Variants in ATP2C1 observed in about 807,000 individuals in gnomAD.
ATP2C1 encodes the protein calcium-transporting ATPase type 2C member 1.
A neutral mutation model predicts 120.5 loss-of-function variants in ATP2C1; 31 were observed. The ratio of observed to expected loss-of-function variants is 0.26; its 90% CI spans 0.19 to 0.35. ATP2C1 has a LOEUF of 0.35. ATP2C1 is among the 10% of genes least tolerant of loss of function. The pLI is 1.00. For synonymous variants in ATP2C1, 351 were observed against 358.7 expected (o/e 0.98, Z 0.24); for missense variants, 731 against 1,107.5 (o/e 0.66, Z 4.83).
At chr3:130,956,583 T>A (rs1394068013) in intron 11 of ATP2C1, among the ~76,000 whole-genome samples, 1 of 151,970 alleles carries the variant, frequency 6.6e-6, no homozygotes, top group Non-Finnish European at 1.5e-5. Context: ...CTTCTAGACA[T>A]TTAGGATTTT....
In ATP2C1 at chr3:130,964,884, T is replaced by G. The variant is rs530774912; in HGVS notation, c.1025-64T>G. ...GACAGGATTCTAGTCTTTGATTTGTTTTTTAAGTGAACCTATATTTCTCCT... is the reference window on the plus strand; with the variant it reads ...GACAGGATTCTAGTCTTTGATTTGTGTTTTAAGTGAACCTATATTTCTCCT... On this transcript the variant is annotated intron_variant, in intron 13 of 27. Transcript: ENST00000510168. 9.0e-5 allele frequency: 111 copies of G among 1,228,940 alleles called. No homozygotes were observed. The East Asian group carries it at 2.4e-3, about 26-fold the overall frequency. 76.1% of individuals were successfully genotyped at this position (1,228,940 alleles called of 1,614,324 possible). A position where few individuals can be genotyped will look rare whatever the true frequency, so the allele number is the denominator to read the frequency against.
chr3:131,008,866 A>G (rs923876520), intron 26 of ATP2C1, among the ~76,000 whole-genome samples: 8 of 152,190 alleles, frequency 5.3e-5, no homozygotes, highest in Non-Finnish European at 8.8e-5. Context: ...CATGTAGAGA[A>G]AGTCAGAGTG....
At chr3:130,870,380 C>G (rs2068393181) in intron 1 of ATP2C1, among the ~76,000 whole-genome samples, 1 of 152,174 alleles carries the variant, frequency 6.6e-6, no homozygotes, top group Non-Finnish European at 1.5e-5. Flanking sequence ...GATAGTGATT[C>G]CTCTGATGGA....
chr3:130,997,786 T>C, intron 25 of ATP2C1, 33 bp downstream of exon 25: 1 of 1,609,464 alleles, frequency 6.2e-7, no homozygotes, highest in Non-Finnish European at 8.5e-7. Context: ...TATATTAACA[T>C]GAATTCTGTA....
At chr3:130,876,225 C>T (rs2068598977) in intron 1 of ATP2C1, among the ~76,000 whole-genome samples, 2 of 151,898 alleles carry the variant, frequency 1.3e-5, no homozygotes, top group Admixed American at 6.6e-5. Flanking sequence ...GAAGCATTTT[C>T]CCTGTTTTCT....
upstream of ATP2C1, among the ~76,000 whole-genome samples, chr3:130,891,073 TTAAG>T (rs1440219985): frequency 2.6e-5 from 4 of 152,198 alleles, no homozygotes; most frequent in African/African-American, 9.7e-5. Context: ...ACTCTGTCTC[TTAAG>T]TTAGTAAGTA....
At chr3:131,013,220 C>A (rs1020087333) in intron 26 of ATP2C1, among the ~76,000 whole-genome samples, 2 of 152,174 alleles carry the variant, frequency 1.3e-5, no homozygotes, top group African/African-American at 4.8e-5. Context: ...TTTTCCAGAG[C>A]AGTACCTTTT....
intron 20 of ATP2C1, among the ~76,000 whole-genome samples, chr3:130,982,892 T>C (rs995277101): frequency 1.3e-5 from 2 of 152,122 alleles, no homozygotes; most frequent in African/African-American, 2.4e-5. Context: ...ATCCACAGAG[T>C]ATCCATAATA....
downstream of ATP2C1, among the ~76,000 whole-genome samples, chr3:131,006,689 CTTTT>C (rs1167746798): frequency 7.3e-6 from 1 of 137,562 alleles, no homozygotes; most frequent in Non-Finnish European, 1.6e-5. Context: ...TTCTTGTACA[CTTTT>C]TTTTTTTTTG....
chr3:130,922,146 TG>T (rs2058999030), intron 2 of ATP2C1, among the ~76,000 whole-genome samples: 1 of 152,340 alleles, frequency 6.6e-6, no homozygotes, highest in South Asian at 2.1e-4. Context: ...CACTTGTTAT[TG>T]GTCTGTTCAG....
At chr3:130,959,751 A>G (rs528502478) in intron 12 of ATP2C1, among the ~76,000 whole-genome samples, 35 of 152,204 alleles carry the variant, frequency 2.3e-4, no homozygotes, top group African/African-American at 7.7e-4. Context: ...TTGTGAAGAA[A>G]CTGCATCCAT....
At chr3:130,917,932 G>T (rs1350947798) in intron 2 of ATP2C1, among the ~76,000 whole-genome samples, 1 of 150,708 alleles carries the variant, frequency 6.6e-6, no homozygotes, top group Non-Finnish European at 1.5e-5. Flanking sequence ...ACTTAGCATG[G>T]TGTCCTCAAG....
At chr3:130,972,472 C>CTTTT (rs76538100) in intron 17 of ATP2C1, among the ~76,000 whole-genome samples, 2 of 142,878 alleles carry the variant, frequency 1.4e-5, no homozygotes, top group East Asian at 2.0e-4. Flanking sequence ...TTTCTTCACT[C>CTTTT]TTTTTTTTTT....
chr3:130,919,514 C>T (rs1014333105), intron 2 of ATP2C1, among the ~76,000 whole-genome samples: 8 of 152,196 alleles, frequency 5.3e-5, no homozygotes, highest in Admixed American at 4.6e-4. Flanking sequence ...CTACCACGCC[C>T]GGCCTAGAGT....
At chr3:130,968,452 A>G (rs1238237166) in intron 16 of ATP2C1, among the ~76,000 whole-genome samples, 1 of 152,184 alleles carries the variant, frequency 6.6e-6, no homozygotes, top group Admixed American at 6.5e-5. Flanking sequence ...GAACAATGCA[A>G]ATTCAGAGCT....
rs1468245305 is a variant in ATP2C1, at chr3:130,939,229, TA to T, written c.361-1395del. Among the ~76,000 whole-genome samples the T allele has an allele frequency of 5.3e-5, 8 of 152,202 alleles. No individual in the cohort carries two copies. The South Asian group carries it at 1.7e-3, about 31-fold the overall frequency. ...CAAAAAGCTCTTTATCAAAAATGTA[TA>T]AAAAATTCTTAATACTTTATCATTA... On this transcript the variant is annotated intron_variant, in intron 6 of 27. Transcript: ENST00000510168.
At chr3:130,950,266 C>T (rs755899061) in intron 8 of ATP2C1, among the ~76,000 whole-genome samples, 1 of 152,062 alleles carries the variant, frequency 6.6e-6, no homozygotes, top group Non-Finnish European at 1.5e-5. Context: ...ATATTCACAC[C>T]TCCACCAGAC....
intron 1 of ATP2C1, among the ~76,000 whole-genome samples, chr3:130,876,830 C>T (rs993929707): frequency 6.6e-6 from 1 of 151,220 alleles, no homozygotes; most frequent in Non-Finnish European, 1.5e-5. Context: ...GGTCTTTCAC[C>T]TCCTTGGTTA....
intron 8 of ATP2C1, among the ~76,000 whole-genome samples, chr3:130,947,020 T>A (rs145752124): frequency 5.9e-5 from 9 of 152,360 alleles, no homozygotes; most frequent in African/African-American, 1.9e-4. Context: ...AAGAATGATA[T>A]GTGTCTGCTC....
Sources: gnomAD v4.1 joint callset for allele counts (sites outside exome capture counted in the v4.1 genomes callset) on GRCh38, gnomAD v4.1.1 for gene constraint, MANE v1.5 for transcripts, NCBI Gene and HGNC (gene_info 2026-07-23, HGNC 2026-07-21) for gene names.